The following NEGR1 variants were observed in gnomAD, a reference collection of about 807,000 sequenced individuals.
NEGR1 encodes IgLON family member 4.
NEGR1 carries 10 observed loss-of-function variants against 40.9 expected under a neutral mutation model. The observed-to-expected ratio is 0.24, with a 90% CI of 0.15 to 0.42. NEGR1 has a LOEUF of 0.42. Among genes scored for constraint, NEGR1 ranks in the 10% least tolerant of loss-of-function variants. The pLI is 1.00. For synonymous variants in NEGR1, 185 were observed against 166.8 expected (o/e 1.11, Z -0.84); for missense variants, 352 against 438.9 (o/e 0.80, Z 1.77).
chr1:71,923,345 G>T (rs879600806), intron 2 of NEGR1, among the ~76,000 whole-genome samples: 21 of 142,928 alleles, frequency 1.5e-4, no homozygotes, highest in Non-Finnish European at 2.6e-4. Context: ...CCTTACACTT[G>T]GACAGCGATA....
intron 2 of NEGR1, among the ~76,000 whole-genome samples, chr1:71,860,500 T>A (rs1659913968): frequency 6.6e-6 from 1 of 152,036 alleles, no homozygotes; most frequent in African/African-American, 2.4e-5. Context: ...TTATTGTGTG[T>A]TTCATTAGAG....
chr1:72,058,777 T>C (rs1300589096), intron 1 of NEGR1, among the ~76,000 whole-genome samples: 1 of 151,708 alleles, frequency 6.6e-6, no homozygotes, highest in African/African-American at 2.4e-5. Flanking sequence ...TTGTTTTGTG[T>C]TTTGGTGCCT....
chr1:71,806,888 G>GTTTTTTTTT (rs1244863559), intron 2 of NEGR1, among the ~76,000 whole-genome samples: 1 of 120,552 alleles, frequency 8.3e-6, no homozygotes, highest in Non-Finnish European at 1.8e-5. Context: ...ATGTCGATCT[G>GTTTTTTTTT]TTTTTTTTTG....
chr1:71,502,430 T>C (rs1557547978), intron 6 of NEGR1, among the ~76,000 whole-genome samples: 1 of 152,170 alleles, frequency 6.6e-6, no homozygotes, highest in Admixed American at 6.5e-5. Context: ...ACTAGACACC[T>C]GATCTTGCAA....
chr1:72,188,900 C>G (rs1000872479), intron 1 of NEGR1, among the ~76,000 whole-genome samples: 2 of 151,510 alleles, frequency 1.3e-5, no homozygotes, highest in Non-Finnish European at 3.0e-5. Context: ...AAAAACAAAA[C>G]AAGAAAGGGA....
chr1:71,690,614 G>GGAGAGAGAGAGA (rs1557614829), intron 4 of NEGR1, among the ~76,000 whole-genome samples: 7 of 21,848 alleles, frequency 3.2e-4, no homozygotes, highest in Non-Finnish European at 6.1e-4. Context: ...ATATATAGAG[G>GGAGAGAGAGAGA]GAGACAGAGA....
chr1:71,988,738 C>A (rs11209880), intron 1 of NEGR1, among the ~76,000 whole-genome samples: 2 of 151,376 alleles, frequency 1.3e-5, no homozygotes, highest in Non-Finnish European at 1.5e-5. Context: ...GAAAACATGT[C>A]TATTATAAAG....
intron 1 of NEGR1, among the ~76,000 whole-genome samples, chr1:72,038,895 C>CCTCA (rs1646927911): frequency 6.6e-6 from 1 of 151,788 alleles, no homozygotes; most frequent in African/African-American, 2.4e-5. Flanking sequence ...AAAGGAGAAC[C>CCTCA]CTCACATCTA....
intron 1 of NEGR1, among the ~76,000 whole-genome samples, chr1:72,237,640 A>G (rs1332057504): frequency 2.0e-5 from 3 of 152,196 alleles, no homozygotes; most frequent in South Asian, 2.1e-4. Context: ...CACATATTCC[A>G]GAGCATTATA....
At chr1:71,580,478 A>T (rs1434111590) in intron 6 of NEGR1, among the ~76,000 whole-genome samples, 4 of 152,128 alleles carry the variant, frequency 2.6e-5, no homozygotes, top group African/African-American at 4.8e-5. Flanking sequence ...AAAATAAAAA[A>T]AAAGAAATGT....
At chr1:72,108,326 C>T (rs1028541113) in intron 1 of NEGR1, among the ~76,000 whole-genome samples, 4 of 151,568 alleles carry the variant, frequency 2.6e-5, no homozygotes, top group African/African-American at 9.7e-5. Context: ...TTAGAGTCAT[C>T]TTCCATAAGA....
chr1:72,195,614 C>T (rs1239565956), intron 1 of NEGR1, among the ~76,000 whole-genome samples: 1 of 150,574 alleles, frequency 6.6e-6, no homozygotes, highest in African/African-American at 2.4e-5. Context: ...TATGTTTCTG[C>T]AAAGCCCTAC....
chr1:72,167,548 G>A (rs1483108856), intron 1 of NEGR1, among the ~76,000 whole-genome samples: 3 of 151,898 alleles, frequency 2.0e-5, no homozygotes, highest in Non-Finnish European at 2.9e-5. Flanking sequence ...CAAATAAAAT[G>A]ACTACATTAA....
chr1:71,998,798 T>G (rs1453426629), intron 1 of NEGR1, among the ~76,000 whole-genome samples: 1 of 151,472 alleles, frequency 6.6e-6, no homozygotes, highest in Non-Finnish European at 1.5e-5. Context: ...TATATAATAT[T>G]TACATACAAT....
intron 1 of NEGR1, among the ~76,000 whole-genome samples, chr1:72,004,722 A>T (rs1000647259): frequency 2.6e-5 from 4 of 152,150 alleles, no homozygotes; most frequent in African/African-American, 9.7e-5. Context: ...TAAAATAACT[A>T]TTATCTTCGT....
At chr1:71,942,996 A>ATG (rs58716136) in intron 1 of NEGR1, among the ~76,000 whole-genome samples, 8 of 134,960 alleles carry the variant, frequency 5.9e-5, no homozygotes, top group African/African-American at 1.9e-4. Context: ...GTGTATATAT[A>ATG]TGTGTGTGTA....
At chr1:71,637,949 G>A (rs542925295) in intron 4 of NEGR1, among the ~76,000 whole-genome samples, 12 of 152,040 alleles carry the variant, frequency 7.9e-5, no homozygotes, top group Non-Finnish European at 1.5e-5. Flanking sequence ...TTCTCTAAAT[G>A]CATTATTTTA....
At chr1:71,631,304 G>T (rs959600904) in intron 4 of NEGR1, among the ~76,000 whole-genome samples, 2 of 151,722 alleles carry the variant, frequency 1.3e-5, no homozygotes, top group Non-Finnish European at 3.0e-5. Context: ...TCAATAGAGA[G>T]CCTGATATCA....
At chr1:72,080,751 G>A (rs1557516825) in intron 1 of NEGR1, among the ~76,000 whole-genome samples, 1 of 152,082 alleles carries the variant, frequency 6.6e-6, no homozygotes, top group Non-Finnish European at 1.5e-5. Context: ...AGGGTTGTTG[G>A]AAGCTTTCAA....
Sources: gnomAD v4.1 joint callset for allele counts (sites outside exome capture counted in the v4.1 genomes callset) on GRCh38, gnomAD v4.1.1 for gene constraint, MANE v1.5 for transcripts, NCBI Gene and HGNC (gene_info 2026-07-23, HGNC 2026-07-21) for gene names.